Variants in SMYD3 observed in about 807,000 individuals in gnomAD.
The protein encoded by SMYD3 is histone-lysine N-methyltransferase SMYD3.
SMYD3 carries 36 observed loss-of-function variants against 57.7 expected under a neutral mutation model. That is an observed-to-expected ratio of 0.62 (90% CI 0.48 to 0.82). SMYD3 has a LOEUF of 0.82. Among genes scored for constraint, SMYD3 ranks in the 40% least tolerant of loss-of-function variants. SMYD3 has a pLI of 0.00. For missense variants in SMYD3, 515 were observed against 538.8 expected (o/e 0.96, Z 0.44); for synonymous variants, 211 against 195.0 (o/e 1.08, Z -0.68).
At chr1:246,117,477 A>AT (rs1468095055) in intron 5 of SMYD3, among the ~76,000 whole-genome samples, 1 of 152,186 alleles carries the variant, frequency 6.6e-6, no homozygotes, top group Non-Finnish European at 1.5e-5. Context: ...TGATTATCTC[A>AT]TTTTTTAAAA....
At chr1:246,437,174 CAG>C (rs1323361782) in intron 1 of SMYD3, among the ~76,000 whole-genome samples, 5 of 152,208 alleles carry the variant, frequency 3.3e-5, no homozygotes. Context: ...GCTGGGATTT[CAG>C]AGTTTCTTAC....
chr1:246,038,313 G>A (rs1245750823), intron 5 of SMYD3, among the ~76,000 whole-genome samples: 1 of 152,058 alleles, frequency 6.6e-6, no homozygotes, highest in African/African-American at 2.4e-5. Context: ...ACTCAAAGAG[G>A]AAAGACTGTA....
At chr1:246,201,047 CTT>C (rs1231212778) in intron 5 of SMYD3, among the ~76,000 whole-genome samples, 62 of 152,314 alleles carry the variant, frequency 4.1e-4, no homozygotes, top group African/African-American at 1.5e-3. Flanking sequence ...TTCAGCAAAT[CTT>C]TTTCATTCAA....
rs2045861291 is a variant in SMYD3, at chr1:245,761,887, G to A, written c.1185+2154C>T. ...TGTAACCTCTGCCGCCTGGGTTAAA[G>A]CGATTCTCTCACCTCAGCCTCCTGA... On this transcript the variant is annotated intron_variant, in intron 11 of 11. Transcript: ENST00000490107. 1.4e-5 allele frequency among the ~76,000 whole-genome samples: 2 copies of A among 147,582 alleles called. 1 individual carries two copies. Among genetic ancestry groups the A allele is most frequent in the South Asian group, 4.5e-4 (2 of 4,470 alleles).
intron 5 of SMYD3, among the ~76,000 whole-genome samples, chr1:245,951,073 T>C (rs970994649): frequency 2.0e-5 from 3 of 152,068 alleles, no homozygotes; most frequent in Non-Finnish European, 2.9e-5. Context: ...TGATGAAGGA[T>C]ACACAATGGC....
At chr1:246,356,175 C>A (rs183443204) in intron 1 of SMYD3, among the ~76,000 whole-genome samples, 1 of 152,172 alleles carries the variant, frequency 6.6e-6, no homozygotes, top group Non-Finnish European at 1.5e-5. Flanking sequence ...CACTGGGTGG[C>A]TAGACCCAGA....
intron 5 of SMYD3, among the ~76,000 whole-genome samples, chr1:246,013,240 T>G (rs1302805185): frequency 1.3e-5 from 2 of 152,166 alleles, no homozygotes; most frequent in African/African-American, 4.8e-5. Context: ...AGTAAAGTAC[T>G]GCGATCTTGG....
intron 2 of SMYD3, among the ~76,000 whole-genome samples, chr1:246,337,253 C>G (rs2065556854): frequency 6.6e-6 from 1 of 152,140 alleles, no homozygotes; most frequent in African/African-American, 2.4e-5. Flanking sequence ...CTTAGAGATT[C>G]AAAATATACT....
At chr1:246,298,564 A>T (rs184549640) in intron 5 of SMYD3, among the ~76,000 whole-genome samples, 1 of 152,250 alleles carries the variant, frequency 6.6e-6, no homozygotes, top group African/African-American at 2.4e-5. Context: ...GAGGTTTTGT[A>T]CTAATAAAGT....
intron 8 of SMYD3, among the ~76,000 whole-genome samples, chr1:245,899,711 G>A (rs1264127220): frequency 6.6e-6 from 1 of 152,206 alleles, no homozygotes; most frequent in Non-Finnish European, 1.5e-5. Flanking sequence ...GTCTGTGAGA[G>A]TATTTCTTTA....
At chr1:245,921,570 T>TATATATATATATATATAC (rs1231534223) in intron 7 of SMYD3, among the ~76,000 whole-genome samples, 1 of 147,898 alleles carries the variant, frequency 6.8e-6, no homozygotes, top group East Asian at 2.1e-4. Context: ...TATATATATA[T>TATATATATATATATATAC]ACACATACCA....
At chr1:246,437,420 G>A (rs2067396729) in intron 1 of SMYD3, among the ~76,000 whole-genome samples, 1 of 151,826 alleles carries the variant, frequency 6.6e-6, no homozygotes, top group African/African-American at 2.4e-5. Context: ...AGCTGTGGGT[G>A]CCCCAGGTAA....
chr1:246,083,065 G>C (rs1407254859), intron 5 of SMYD3, among the ~76,000 whole-genome samples: 1 of 151,904 alleles, frequency 6.6e-6, no homozygotes, highest in Non-Finnish European at 1.5e-5. Context: ...GGCCTCCTGG[G>C]AAGGGAAAGA....
Position 246,497,439 on chromosome 1 carries a change from C to T in SMYD3, c.164+9615G>A, listed in dbSNP as rs557173807. ...CCACTCAGAGACAGTGTTTTAGTGG[C>T]TAAAAAATAAGTTGCCTTTCTGAAA... On this transcript the variant is annotated intron_variant, in intron 1 of 11. Transcript: ENST00000490107. Among the ~76,000 whole-genome samples, 10 of 152,230 alleles carry T rather than the reference C, an allele frequency of 6.6e-5. No homozygotes were observed. In the East Asian group the frequency reaches 1.9e-3, roughly 29 times the overall value.
rs535106084 is a variant in SMYD3 at position 245,919,405 on chromosome 1, C to T, written c.703-3765G>A. Among the ~76,000 whole-genome samples the T allele has an allele frequency of 4.6e-5, 7 of 152,124 alleles. No individual in the cohort carries two copies. In the East Asian group the frequency reaches 5.8e-4, roughly 13 times the overall value. ...ATGTGTCTGGGCATCACTGGCTAAG[C>T]GAGCCTCTCCTCCACACTCAGCCTC... On this transcript the variant is annotated intron_variant, in intron 7 of 11. Transcript: ENST00000490107.
intron 5 of SMYD3, among the ~76,000 whole-genome samples, chr1:246,289,900 A>C (rs1396333878): frequency 6.6e-6 from 1 of 152,194 alleles, no homozygotes; most frequent in Non-Finnish European, 1.5e-5. Flanking sequence ...AATAATTCCC[A>C]AACTATCAAC....
intron 10 of SMYD3, among the ~76,000 whole-genome samples, chr1:245,775,277 G>T (rs1325201980): frequency 2.0e-5 from 3 of 152,214 alleles, no homozygotes; most frequent in South Asian, 4.1e-4. Context: ...GAGTGGAAGG[G>T]GGGAAGTGTG....
At chr1:246,140,791 C>T (rs142729062) in intron 5 of SMYD3, among the ~76,000 whole-genome samples, 163 of 152,188 alleles carry the variant, frequency 1.1e-3, no homozygotes, top group African/African-American at 3.3e-3. Flanking sequence ...GATGGAGTCT[C>T]ACTATGTTGC....
At chr1:246,144,408 C>T (rs1220620022) in intron 5 of SMYD3, among the ~76,000 whole-genome samples, 2 of 152,124 alleles carry the variant, frequency 1.3e-5, no homozygotes, top group African/African-American at 2.4e-5. Flanking sequence ...AATAAAACTC[C>T]ATTTCACCAT....
Sources: allele counts gnomAD v4.1 joint callset (sites outside exome capture counted in the v4.1 genomes callset), GRCh38; gene constraint gnomAD v4.1.1; transcripts MANE v1.5; gene names NCBI Gene and HGNC (gene_info 2026-07-23, HGNC 2026-07-21).